LETM2: variants seen among roughly 807,000 people sequenced by gnomAD.
LETM2 encodes the protein LETM1 domain-containing protein LETM2, mitochondrial.
In LETM2, 58 loss-of-function variants were observed where a neutral mutation model predicts 59.6. That is an observed-to-expected ratio of 0.97 (90% CI 0.79 to 1.21). The LOEUF is 1.21. Ranked by LOEUF, LETM2 falls within the 50% of genes most tolerant of loss-of-function variation. The pLI, the probability that LETM2 is intolerant of heterozygous loss-of-function variation, is 0.00. For missense variants in LETM2, 572 were observed against 575.7 expected (o/e 0.99, Z 0.07); for synonymous variants, 199 against 214.1 (o/e 0.93, Z 0.62).
chr8:38,398,811 C>A (rs572683369), intron 4 of LETM2, among the ~76,000 whole-genome samples: 3 of 151,502 alleles, frequency 2.0e-5, no homozygotes, highest in Admixed American at 6.6e-5. Flanking sequence ...CATCCTCCCC[C>A]CAGGTTCAAG....
At chr8:38,398,592 T>C (rs1812877386) in intron 4 of LETM2, among the ~76,000 whole-genome samples, 1 of 152,166 alleles carries the variant, frequency 6.6e-6, no homozygotes, top group Non-Finnish European at 1.5e-5. Flanking sequence ...AAAAGTTCCA[T>C]GAGGGCAGGA....
intron 7 of LETM2, among the ~76,000 whole-genome samples, chr8:38,403,125 G>A (rs1015309537): frequency 6.6e-6 from 1 of 152,144 alleles, no homozygotes; most frequent in Non-Finnish European, 1.5e-5. Flanking sequence ...ATATGCCAGA[G>A]CTTCCTCATG....
intron 8 of LETM2, chr8:38,404,764 G>T (rs557080295): frequency 6.4e-5 from 24 of 373,526 alleles, no homozygotes; most frequent in African/African-American, 4.6e-4. Flanking sequence ...TGGATCACCT[G>T]AGGTCAGGAG....
intron 6 of LETM2, 97 bp downstream of exon 6, chr8:38,401,150 T>G (rs1813187776): frequency 1.9e-6 from 2 of 1,052,890 alleles, no homozygotes; most frequent in Non-Finnish European, 2.8e-6. Flanking sequence ...TTGTTTTTGT[T>G]TTTGTTTTTG....
chr8:38,393,702 C>T, intron 3 of LETM2: 1 of 163,360 alleles, frequency 6.1e-6, no homozygotes, highest in Non-Finnish European at 1.3e-5. Context: ...TATGGACCCT[C>T]TAACATAGAT....
At chr8:38,395,341 C>G (rs1162858796) in intron 4 of LETM2, among the ~76,000 whole-genome samples, 1 of 152,194 alleles carries the variant, frequency 6.6e-6, no homozygotes, top group East Asian at 1.9e-4. Context: ...TTCTCACCAG[C>G]AACAAATGAG....
At chr8:38,400,746 C>A in intron 5 of LETM2, 107 bp from the exon 6 acceptor site, 1 of 984,696 alleles carries the variant, frequency 1.0e-6, no homozygotes, top group Non-Finnish European at 1.5e-6. Context: ...TTCCAGATGT[C>A]AGACAGAGTC....
chr8:38,408,362 GGCTTCAGA>G lies in LETM2; in HGVS notation c.*90_*97del. 8.5e-7 allele frequency: 1 copy of G among 1,170,102 alleles called. No homozygotes were observed. Among genetic ancestry groups the G allele is most frequent in the Non-Finnish European group, 1.2e-6 (1 of 800,568 alleles). The allele number at this position is 1,170,102 out of a possible 1,614,324, so 72.5% of individuals were successfully genotyped here. ...AAGGACCTCCCAGATAAGACTGTCTGGCTTCAGAGAGCGGATCAGCTGTTTAGCCCGTG... is the reference window on the plus strand; with the variant it reads ...AAGGACCTCCCAGATAAGACTGTCTGGAGCGGATCAGCTGTTTAGCCCGTG... On this transcript the variant is annotated 3_prime_UTR_variant, in exon 11 of 11. Transcript: ENST00000379957.
intron 4 of LETM2, among the ~76,000 whole-genome samples, chr8:38,395,447 C>G (rs779589512): frequency 6.6e-6 from 1 of 151,972 alleles, no homozygotes; most frequent in African/African-American, 2.4e-5. Context: ...CTCCTGATGT[C>G]GAGTATCTTT....
chr8:38,409,275 A>T lies in LETM2; in HGVS notation c.*1001A>T, dbSNP rs1025696267. The T allele has an allele frequency of 6.6e-6, 1 of 152,256 alleles. No individual in the cohort carries two copies. Among genetic ancestry groups the T allele is most frequent in the African/African-American group, 2.4e-5 (1 of 41,462 alleles). The allele number at this position is 152,256 out of a possible 1,614,324, so 9.4% of individuals were successfully genotyped here. A position where few individuals can be genotyped will look rare whatever the true frequency, so the allele number is the denominator to read the frequency against. On this transcript the variant is annotated 3_prime_UTR_variant, in exon 11 of 11. Coordinates refer to ENST00000379957, the MANE Select transcript of LETM2 (RefSeq NM_001286819.2). Reference sequence around the variant, plus strand: ...ATTTCTTTACTTGCTGTGGTTAGACAGCAGTCAGTTAAAACAAGTAAAACT... The same window carrying T: ...ATTTCTTTACTTGCTGTGGTTAGACTGCAGTCAGTTAAAACAAGTAAAACT...
At chr8:38,402,408 A>C (rs956066157) in intron 6 of LETM2, 117 bp from the exon 7 acceptor site, 1 of 1,145,900 alleles carries the variant, frequency 8.7e-7, no homozygotes, top group Non-Finnish European at 1.3e-6. Flanking sequence ...AGTAGCAGCC[A>C]GTGCAGGGGA....
chr8:38,385,468 A>G (rs1021559471), upstream of LETM2, among the ~76,000 whole-genome samples: 6 of 152,104 alleles, frequency 3.9e-5, no homozygotes, highest in African/African-American at 1.4e-4. Context: ...ATCTCGACTC[A>G]CTGCAACCCC....
chr8:38,393,158 A>G, intron 3 of LETM2, 163 bp downstream of exon 3: 1 of 612,958 alleles, frequency 1.6e-6, no homozygotes, highest in Non-Finnish European at 2.8e-6. Flanking sequence ...CTTACTGTAC[A>G]ACTTTAGTCA....
intron 8 of LETM2, 151 bp from the exon 9 acceptor site, chr8:38,406,795 A>G: frequency 1.8e-6 from 1 of 551,422 alleles, no homozygotes; most frequent in Non-Finnish European, 3.3e-6. Context: ...GGCATATTTC[A>G]TAGGTTACTC....
intron 4 of LETM2, among the ~76,000 whole-genome samples, chr8:38,398,784 G>A (rs867480205): frequency 8.1e-5 from 12 of 148,134 alleles, no homozygotes; most frequent in South Asian, 6.4e-4. Flanking sequence ...GTGCAGTAGC[G>A]TTATCTCGGC....
chr8:38,408,230 C>G lies in LETM2; in HGVS notation c.1432C>G (p.Gln478Glu). Residue 478 changes from glutamine to glutamate, a missense_variant, in exon 11 of 11, where the codon CAA (glutamine) becomes GAA (glutamate). Transcript: ENST00000379957. ...CGCCTAGACACTCCAGGCCAAATCACAAATGACGGCCCAGAACAGCAAGGC... is the reference window on the plus strand; with the variant it reads ...CGCCTAGACACTCCAGGCCAAATCAGAAATGACGGCCCAGAACAGCAAGGC... Reference protein sequence around the residue: ...SEEPTLQAKSQMTAQNSKASS... With the variant: ...SEEPTLQAKSEMTAQNSKASS... 6.2e-7 allele frequency: 1 copy of G among 1,612,952 alleles called. No individual in the cohort carries two copies.
At chr8:38,391,203 A>C (rs1458238569) in intron 2 of LETM2, among the ~76,000 whole-genome samples, 1 of 143,764 alleles carries the variant, frequency 7.0e-6, no homozygotes, top group Non-Finnish European at 1.5e-5. Context: ...AAAAAACAAA[A>C]AAAAAAACCA....
intron 4 of LETM2, 22 bp from the exon 5 acceptor site, chr8:38,400,250 C>T: frequency 1.3e-6 from 2 of 1,588,716 alleles, no homozygotes; most frequent in Non-Finnish European, 1.7e-6. Context: ...GATTGAGTAA[C>T]TTTTATTCTT....
rs1480508627 is a variant in LETM2, at chr8:38,392,802, C to G, written c.308C>G (p.Thr103Arg). The G allele has an allele frequency of 1.2e-6, 2 of 1,614,004 alleles. No individual in the cohort carries two copies. The highest frequency in any genetic ancestry group is 1.3e-5 in the African/African-American group (1 of 74,910). Reference sequence around the variant, plus strand: ...CAAGCCACAAAACATCCACAGGTGACAAGCCCTCAGGCCACAAAAGAAACT... The same window carrying G: ...CAAGCCACAAAACATCCACAGGTGAGAAGCCCTCAGGCCACAAAAGAAACT... The part of the protein sequence containing the change: ...LEQATKHPQV[T>R]SPQATKETGM... The change falls in exon 3 of 11, where the codon ACA becomes AGA. Residue 103 changes from threonine (T) to arginine (R), a missense_variant. Physicochemically the swap from Thr to Arg is moderately conservative, Grantham distance 71 (BLOSUM62 -1). Transcript: ENST00000379957.
Sources: gnomAD v4.1 joint callset for allele counts (sites outside exome capture counted in the v4.1 genomes callset) on GRCh38, gnomAD v4.1.1 for gene constraint, MANE v1.5 for transcripts, NCBI Gene and HGNC (gene_info 2026-07-23, HGNC 2026-07-21) for gene names.